The following TTC7A variants were observed in gnomAD, a reference collection of about 807,000 sequenced individuals.
TTC7A encodes tetratricopeptide repeat protein 7A.
TTC7A carries 110 observed loss-of-function variants against 103.7 expected under a neutral mutation model. That is an observed-to-expected ratio of 1.06 (90% CI 0.91 to 1.24). The LOEUF is 1.24. Ranked by LOEUF, TTC7A falls within the 50% of genes most tolerant of loss-of-function variation. TTC7A has a pLI of 0.00. For missense variants in TTC7A, 1,340 were observed against 1,116.3 expected, an observed-to-expected ratio of 1.20 and a Z score of -2.86; for synonymous variants, 521 against 467.9, an observed-to-expected ratio of 1.11 and a Z score of -1.47.
intron 18 of TTC7A, 50 bp downstream of exon 18, chr2:47,051,930 A>G: frequency 1.9e-6 from 3 of 1,560,842 alleles, no homozygotes; most frequent in Non-Finnish European, 2.6e-6. Context: ...CAGGCCACCC[A>G]TGCTCTCAGA....
intron 19 of TTC7A, among the ~76,000 whole-genome samples, chr2:47,064,847 A>G (rs1222292783): frequency 6.6e-6 from 1 of 152,206 alleles, no homozygotes; most frequent in Non-Finnish European, 1.5e-5. Context: ...AGGAAGGAAA[A>G]AACAATTTTC....
chr2:47,038,752 T>C (rs1192181693), intron 15 of TTC7A, among the ~76,000 whole-genome samples: 1 of 149,034 alleles, frequency 6.7e-6, no homozygotes, highest in Non-Finnish European at 1.5e-5. Flanking sequence ...CAGTAGCACC[T>C]GGAAGAATGG....
At chr2:46,936,612 T>C (rs1321996588), upstream of TTC7A, among the ~76,000 whole-genome samples, 1 of 152,134 alleles carries the variant, frequency 6.6e-6, no homozygotes, top group African/African-American at 2.4e-5. Flanking sequence ...TGTCTATGGC[T>C]TCCTCGGGCC....
At chr2:47,001,080 T>G (rs1419599913) in intron 8 of TTC7A, among the ~76,000 whole-genome samples, 3 of 152,186 alleles carry the variant, frequency 2.0e-5, no homozygotes, top group Non-Finnish European at 4.4e-5. Context: ...CTGGCCTCCC[T>G]TAGTCTTCTC....
chr2:47,067,534 C>A (rs1349912733), intron 19 of TTC7A, among the ~76,000 whole-genome samples: 1 of 152,152 alleles, frequency 6.6e-6, no homozygotes, highest in Non-Finnish European at 1.5e-5. Context: ...TCGAGGTTCT[C>A]CTACGGTTGG....
At chr2:46,935,143 C>G (rs770747776) in intron 2 of TTC7A, among the ~76,000 whole-genome samples, 2 of 151,992 alleles carry the variant, frequency 1.3e-5, no homozygotes, top group Non-Finnish European at 2.9e-5. Flanking sequence ...AGACCAACAC[C>G]CCTGAGAAGC....
At chr2:47,040,111 G>A (rs886138586) in intron 15 of TTC7A, among the ~76,000 whole-genome samples, 5 of 152,304 alleles carry the variant, frequency 3.3e-5, no homozygotes, top group Non-Finnish European at 4.4e-5. Flanking sequence ...AGGGGTGGCC[G>A]GTGTGGTCTA....
At chr2:47,035,259 G>C (rs1015891765) in intron 15 of TTC7A, 1 of 152,222 alleles carries the variant, frequency 6.6e-6, no homozygotes, top group Non-Finnish European at 1.5e-5. Flanking sequence ...CTCCAGTGAG[G>C]GGGTGGAATC....
At chr2:47,013,922 A>G (rs1306599616) in intron 11 of TTC7A, among the ~76,000 whole-genome samples, 1 of 152,170 alleles carries the variant, frequency 6.6e-6, no homozygotes, top group Non-Finnish European at 1.5e-5. Flanking sequence ...GTGATGTCCC[A>G]TGGGTGGCCC....
rs1406561730 is a variant in TTC7A at position 47,051,804 on chromosome 2, G to C, written c.2076G>C (p.Leu692=). Residue 692 remains leucine, a synonymous_variant, in exon 18 of 20, where the codon CTG becomes CTC. Transcript: ENST00000319190. ...GGCTGGAGGAGGCCATGTCAGAGCT[G>C]ACTATGCCCTCTTCGGTCCTGAAGC... is the stretch of plus-strand genomic sequence containing the variant. ...ASRLEEAMSE[L]TMPSSVLKQG... The C allele has an allele frequency of 1.9e-6, 3 of 1,612,012 alleles. No homozygotes were observed. The highest frequency in any genetic ancestry group is 1.7e-6 in the Non-Finnish European group (2 of 1,179,816).
intron 2 of TTC7A, among the ~76,000 whole-genome samples, chr2:46,920,254 C>A (rs73926963): frequency 1.3e-5 from 2 of 152,064 alleles, no homozygotes; most frequent in Non-Finnish European, 2.9e-5. Context: ...CCTTTTGTCT[C>A]GCTCTCCTTT....
chr2:47,029,433 G>A (rs1224150588), intron 15 of TTC7A, 49 bp downstream of exon 15: 1 of 1,604,674 alleles, frequency 6.2e-7, no homozygotes, highest in East Asian at 2.2e-5. Context: ...GCTGGCCTCT[G>A]CAGCAGGCGC....
At chr2:47,050,880 CTG>C (rs1682802350) in intron 17 of TTC7A, 1 of 152,240 alleles carries the variant, frequency 6.6e-6, no homozygotes, top group Admixed American at 6.5e-5. Context: ...GTCTCATAAA[CTG>C]AAGTCATCCG....
At chr2:47,066,115 GCTT>G (rs1387245555) in intron 19 of TTC7A, 1 of 152,178 alleles carries the variant, frequency 6.6e-6, no homozygotes, top group Non-Finnish European at 1.5e-5. Flanking sequence ...ATGTGACCCA[GCTT>G]CTTCTCTCCC....
chr2:46,919,259 G>A (rs2103795345), intron 2 of TTC7A, among the ~76,000 whole-genome samples: 1 of 152,372 alleles, frequency 6.6e-6, no homozygotes, highest in Non-Finnish European at 1.5e-5. Flanking sequence ...GATAGGCTGG[G>A]TGTGGTGGCT....
intron 16 of TTC7A, among the ~76,000 whole-genome samples, chr2:47,048,937 C>T (rs1057037141): frequency 2.6e-5 from 4 of 152,092 alleles, no homozygotes; most frequent in Admixed American, 1.3e-4. Flanking sequence ...CTTTGTGCCT[C>T]CTGGGAATGG....
At chr2:47,050,663 C>G (rs148080053) in intron 17 of TTC7A, 15 of 152,802 alleles carry the variant, frequency 9.8e-5, no homozygotes, top group Middle Eastern at 3.4e-3. Flanking sequence ...GTGGACAAAG[C>G]CTTGCACCTT....
intron 8 of TTC7A, chr2:46,999,904 G>A: frequency 1.0e-6 from 1 of 985,358 alleles, no homozygotes; most frequent in Non-Finnish European, 1.2e-6. Flanking sequence ...GTAAGTCTCT[G>A]GGTCCTGGGA....
In TTC7A at chr2:46,975,031, G is replaced by A. The variant is rs1446257636; in HGVS notation, c.576G>A (p.Arg192=). ...CCTCCCGCTTCCGCCTGACAGAGAGGGAGGAGGAAGTGATCACCTGTTTTG... is the reference window on the plus strand; with the variant it reads ...CCTCCCGCTTCCGCCTGACAGAGAGAGAGGAGGAAGTGATCACCTGTTTTG... ...SIASRFRLTE[R]EEEVITCFER... The change falls in exon 4 of 20, where the codon AGG becomes AGA. Residue 192 remains arginine (R), a synonymous_variant. Transcript: ENST00000319190. The A allele has an allele frequency of 6.8e-6, 11 of 1,613,968 alleles. No individual in the cohort carries two copies. Among genetic ancestry groups the A allele is most frequent in the Non-Finnish European group, 8.5e-6 (10 of 1,179,978 alleles).
Sources: allele counts gnomAD v4.1 joint callset (sites outside exome capture counted in the v4.1 genomes callset), GRCh38; gene constraint gnomAD v4.1.1; transcripts MANE v1.5; gene names NCBI Gene and HGNC (gene_info 2026-07-23, HGNC 2026-07-21).